The following SAMMSON variants were observed in gnomAD, a reference collection of about 807,000 sequenced individuals.
SAMMSON encodes the protein survival associated mitochondrial melanoma specific oncogenic non-coding RNA.
At chr3:70,032,693 T>C (rs2067070532) in intron 3 of SAMMSON, among the ~76,000 whole-genome samples, 1 of 152,190 alleles carries the variant, frequency 6.6e-6, no homozygotes, top group Non-Finnish European at 1.5e-5. Context: ...TTGATTGATT[T>C]AACAAACATC....
intron 3 of SAMMSON, among the ~76,000 whole-genome samples, chr3:70,022,876 G>T (rs182589892): frequency 2.0e-5 from 3 of 152,156 alleles, no homozygotes; most frequent in African/African-American, 7.2e-5. Context: ...AATTGTTTTT[G>T]TTATCATTTT....
At chr3:70,151,280 A>C (rs2067571039) in intron 4 of SAMMSON, among the ~76,000 whole-genome samples, 1 of 152,064 alleles carries the variant, frequency 6.6e-6, no homozygotes, top group African/African-American at 2.4e-5. Flanking sequence ...GCTGGAGCTC[A>C]GACTTCTGAG....
chr3:70,076,139 C>A (rs1018334324), intron 4 of SAMMSON, among the ~76,000 whole-genome samples: 3 of 152,046 alleles, frequency 2.0e-5, no homozygotes, highest in Non-Finnish European at 4.4e-5. Flanking sequence ...GTTAACATGT[C>A]ATTTGTCTAT....
At chr3:70,159,604 C>T (rs1003303880) in intron 4 of SAMMSON, 1 of 151,772 alleles carries the variant, frequency 6.6e-6, no homozygotes, top group Admixed American at 6.6e-5. Flanking sequence ...GCTCTGTCAC[C>T]CAGGCTGGAG....
intron 2 of SAMMSON, among the ~76,000 whole-genome samples, chr3:70,403,100 C>G (rs1278900326): frequency 1.3e-5 from 2 of 151,938 alleles, no homozygotes; most frequent in Non-Finnish European, 2.9e-5. Context: ...TAGGGAGGTG[C>G]AGAAAAAGAG....
intron 4 of SAMMSON, among the ~76,000 whole-genome samples, chr3:70,211,423 G>T (rs1192761477): frequency 3.3e-3 from 24 of 7,216 alleles, no homozygotes; most frequent in Non-Finnish European, 5.2e-3. Flanking sequence ...CCTTCCCTTT[G>T]CCCTTCCCTT....
chr3:70,275,650 C>G (rs1010510973), intron 6 of SAMMSON, among the ~76,000 whole-genome samples: 1 of 152,224 alleles, frequency 6.6e-6, no homozygotes, highest in Non-Finnish European at 1.5e-5. Context: ...CTCAACCTCC[C>G]ACGCCTCAGC....
rs556565440 is a variant in SAMMSON at position 70,032,642 on chromosome 3, A to G, written n.417+18970A>G. The stretch of plus-strand genomic sequence containing the variant: ...CTGTGTTCAAAACATGTGGAGTTTG[A>G]TGGTTAGTACCATGGAATGGCTTAG... On this transcript the variant is annotated intron_variant and non_coding_transcript_variant, in intron 3 of 9. Transcript: ENST00000642114. Among the ~76,000 whole-genome samples, 39 of 152,306 alleles carry G rather than the reference A, an allele frequency of 2.6e-4. 1 individual carries two copies. The South Asian group carries it at 7.9e-3, about 31-fold the overall frequency.
intron 4 of SAMMSON, among the ~76,000 whole-genome samples, chr3:70,195,996 A>T (rs991862800): frequency 6.6e-6 from 1 of 152,196 alleles, no homozygotes; most frequent in Non-Finnish European, 1.5e-5. Context: ...ATGCTATATT[A>T]AGAAGCTTGG....
chr3:70,079,129 T>C (rs1312187571), intron 4 of SAMMSON, among the ~76,000 whole-genome samples: 1 of 152,208 alleles, frequency 6.6e-6, no homozygotes, highest in Non-Finnish European at 1.5e-5. Flanking sequence ...AGATTCATGC[T>C]CTATATGCTA....
chr3:70,096,258 G>A (rs997887296), intron 4 of SAMMSON, among the ~76,000 whole-genome samples: 1 of 152,158 alleles, frequency 6.6e-6, no homozygotes, highest in Admixed American at 6.5e-5. Flanking sequence ...AAGTTAGACA[G>A]TCTTGGCTGG....
At chr3:70,272,114 C>T (rs775689968) in intron 6 of SAMMSON, 1 of 152,120 alleles carries the variant, frequency 6.6e-6, no homozygotes, top group Non-Finnish European at 1.5e-5. Context: ...TATCACATGC[C>T]CAGAGTTGCT....
chr3:70,064,978 A>G (rs893677604), intron 3 of SAMMSON, among the ~76,000 whole-genome samples: 1 of 152,098 alleles, frequency 6.6e-6, no homozygotes, highest in Non-Finnish European at 1.5e-5. Context: ...CTTTAATGCA[A>G]TGTAATGTAC....
At chr3:70,289,793 G>T (rs1401625460) in intron 6 of SAMMSON, among the ~76,000 whole-genome samples, 1 of 150,838 alleles carries the variant, frequency 6.6e-6, no homozygotes, top group Non-Finnish European at 1.5e-5. Flanking sequence ...TTTCCTTCTC[G>T]CTTCATTTCA....
At chr3:70,088,704 A>T (rs1408335191) in intron 4 of SAMMSON, among the ~76,000 whole-genome samples, 1 of 152,158 alleles carries the variant, frequency 6.6e-6, no homozygotes, top group Non-Finnish European at 1.5e-5. Context: ...TTTCTATAAT[A>T]GTTTTGTTGG....
Position 70,367,972 on chromosome 3 carries a change from T to A in SAMMSON, n.913+9648T>A, listed in dbSNP as rs537238696. Among the ~76,000 whole-genome samples the A allele has an allele frequency of 7.5e-4, 114 of 151,346 alleles. 1 individual carries two copies. Among genetic ancestry groups the A allele is most frequent in the African/African-American group, 2.7e-3 (110 of 41,396 alleles). On this transcript the variant is annotated intron_variant and non_coding_transcript_variant, in intron 9 of 9. Coordinates refer to ENST00000642114, the Ensembl canonical transcript of SAMMSON. ...CATTTTAAAATTGGGTTTTTTTTTT[T>A]ATTGTTGAGTTTGAAGAGTTTTTTA...
intron 2 of SAMMSON, among the ~76,000 whole-genome samples, chr3:70,429,517 G>A (rs1259377376): frequency 1.3e-5 from 2 of 152,142 alleles, no homozygotes; most frequent in Non-Finnish European, 2.9e-5. Context: ...GTCAGTGGTA[G>A]CTTGATGGGG....
At chr3:70,366,662 T>C (rs1702922818) in intron 9 of SAMMSON, among the ~76,000 whole-genome samples, 1 of 151,620 alleles carries the variant, frequency 6.6e-6, no homozygotes, top group Non-Finnish European at 1.5e-5. Context: ...GTGCAAGCTT[T>C]TGTGTGGACA....
rs139575198 is a variant in SAMMSON, at chr3:70,380,333, C to T, written n.914-9241C>T. ...TTTTCAGCAGAAGAAAAAAGAGATA[C>T]GAGTACAAAATCAAAGAATCTGAGT... is the stretch of plus-strand genomic sequence containing the variant. On this transcript the variant is annotated intron_variant and non_coding_transcript_variant, in intron 9 of 9. Transcript: ENST00000642114. Among the ~76,000 whole-genome samples, 143 of 151,972 alleles carry T rather than the reference C, an allele frequency of 9.4e-4. 2 individuals carry two copies. Among genetic ancestry groups the T allele is most frequent in the African/African-American group, 3.2e-3 (132 of 41,470 alleles).
Sources: gnomAD v4.1 joint callset for allele counts (sites outside exome capture counted in the v4.1 genomes callset) on GRCh38, gnomAD v4.1.1 for gene constraint, MANE v1.5 for transcripts, NCBI Gene and HGNC (gene_info 2026-07-23, HGNC 2026-07-21) for gene names.